Variants in RAD51B observed in about 807,000 individuals in gnomAD.
RAD51B encodes the protein RAD51 paralog B, also known as DNA repair protein RAD51 homolog 2.
Under a neutral mutation model 42.2 loss-of-function variants are expected in RAD51B, and 38 were observed. The ratio of observed to expected loss-of-function variants is 0.90; its 90% confidence interval spans 0.70 to 1.18. The LOEUF (loss-of-function observed/expected upper bound fraction) is 1.18, where lower values mean the gene tolerates loss of function less well. Among genes scored for constraint, RAD51B ranks in the 50% most tolerant of loss-of-function variants. The pLI is 0.00. For synonymous variants in RAD51B, 154 were observed against 145.2 expected, an observed-to-expected ratio of 1.06 and a Z score of -0.43; for missense variants, 373 against 400.7, an observed-to-expected ratio of 0.93 and a Z score of 0.59.
At chr14:68,598,577 A>G (rs1891095220), downstream of RAD51B, among the ~76,000 whole-genome samples, 1 of 152,176 alleles carries the variant, frequency 6.6e-6, no homozygotes, top group East Asian at 1.9e-4. Context: ...TCTGGGGTAA[A>G]TCCCACCGGG....
At chr14:67,908,786 A>C (rs1052090764) in intron 7 of RAD51B, 1 of 152,202 alleles carries the variant, frequency 6.6e-6, no homozygotes, top group African/African-American at 2.4e-5. Flanking sequence ...CTGGGAATAC[A>C]AAGGTAAATA....
chr14:68,430,029 G>T (rs2084959650), intron 9 of RAD51B, among the ~76,000 whole-genome samples: 1 of 152,122 alleles, frequency 6.6e-6, no homozygotes, highest in Admixed American at 6.5e-5. Flanking sequence ...TCTTGATTTT[G>T]TCAGGTTTGT....
At chr14:68,435,990 T>G (rs7151360) in intron 9 of RAD51B, among the ~76,000 whole-genome samples, 60,293 of 152,052 alleles carry the variant, frequency 0.4, 12,553 homozygotes, top group South Asian at 0.55. Context: ...GTTTACTCTG[T>G]TGTTAGTTTC....
At chr14:68,102,779 G>A (rs1338474270) in intron 7 of RAD51B, among the ~76,000 whole-genome samples, 1 of 152,040 alleles carries the variant, frequency 6.6e-6, no homozygotes, top group Non-Finnish European at 1.5e-5. Flanking sequence ...CCTTATAGCA[G>A]CACCCCACTC....
chr14:68,485,564 A>G (rs1339500774), intron 10 of RAD51B, among the ~76,000 whole-genome samples: 2 of 152,084 alleles, frequency 1.3e-5, no homozygotes, highest in Non-Finnish European at 2.9e-5. Context: ...AGCAGAAGCA[A>G]GAGGAGCTTC....
chr14:67,861,463 A>G (rs1487609289), intron 4 of RAD51B, among the ~76,000 whole-genome samples: 1 of 150,612 alleles, frequency 6.6e-6, no homozygotes, highest in African/African-American at 2.4e-5. Context: ...ACATGGTGAA[A>G]CCCAGTCTCT....
At chr14:68,582,503 C>A (rs1200572924) in intron 10 of RAD51B, among the ~76,000 whole-genome samples, 3 of 152,174 alleles carry the variant, frequency 2.0e-5, no homozygotes, top group Non-Finnish European at 4.4e-5. Flanking sequence ...AGTCAGGAAA[C>A]AACAGATGCT....
intron 7 of RAD51B, among the ~76,000 whole-genome samples, chr14:68,258,445 A>T (rs867275386): frequency 2.3e-4 from 32 of 136,772 alleles, no homozygotes; most frequent in East Asian, 2.2e-3. Context: ...TCTCTCTCTC[A>T]CACACACACA....
intron 8 of RAD51B, among the ~76,000 whole-genome samples, chr14:68,345,454 T>C (rs751125271): frequency 2.6e-5 from 4 of 152,080 alleles, no homozygotes; most frequent in Non-Finnish European, 4.4e-5. Flanking sequence ...GTGGTTAACA[T>C]GAAATGTGGT....
intron 8 of RAD51B, among the ~76,000 whole-genome samples, chr14:68,367,970 C>G (rs189064307): frequency 6.6e-6 from 1 of 152,192 alleles, no homozygotes; most frequent in Non-Finnish European, 1.5e-5. Flanking sequence ...CCATAGGGAA[C>G]ATTTTAGAAT....
At chr14:68,197,555 A>T (rs1442496447) in intron 7 of RAD51B, among the ~76,000 whole-genome samples, 4 of 152,208 alleles carry the variant, frequency 2.6e-5, no homozygotes, top group African/African-American at 9.6e-5. Context: ...GTTTAACTCT[A>T]AAATAAAGTG....
At chr14:67,835,745 A>G (rs369561283) in intron 4 of RAD51B, among the ~76,000 whole-genome samples, 3 of 152,092 alleles carry the variant, frequency 2.0e-5, no homozygotes, top group East Asian at 1.9e-4. Context: ...GTGCATGCTT[A>G]TGGTCCTAGC....
At chr14:68,095,892 C>T (rs953778306) in intron 7 of RAD51B, among the ~76,000 whole-genome samples, 5 of 143,084 alleles carry the variant, frequency 3.5e-5, no homozygotes, top group South Asian at 2.2e-4. Flanking sequence ...AGGAGAATGG[C>T]GTGAACCAGG....
chr14:68,468,258 C>A lies in RAD51B; in HGVS notation c.1036+8C>A. 4 of 1,609,122 alleles carry A rather than the reference C, an allele frequency of 2.5e-6. No individual in the cohort carries two copies. The highest frequency in any genetic ancestry group is 3.4e-6 in the Non-Finnish European group (4 of 1,175,516). ...AAGGCCTGGTTCTTCAAGGTAAGAT[C>A]CTTGGATTAAGCCATTTCTTTAAGC... On this transcript the variant is annotated splice_region_variant and intron_variant, in intron 10 of 10. Transcript: ENST00000471583.
chr14:68,347,095 T>C (rs2082691922), intron 8 of RAD51B, among the ~76,000 whole-genome samples: 1 of 151,586 alleles, frequency 6.6e-6, no homozygotes, highest in Non-Finnish European at 1.5e-5. Flanking sequence ...CTCAACACAT[T>C]TTTTTTTTCA....
chr14:68,439,866 T>A (rs533166174), intron 9 of RAD51B, among the ~76,000 whole-genome samples: 1 of 152,190 alleles, frequency 6.6e-6, no homozygotes, highest in Non-Finnish European at 1.5e-5. Context: ...CCAGGGTCTG[T>A]ATGCACACAT....
At chr14:67,823,855 C>T (rs1042590436) in intron 2 of RAD51B, among the ~76,000 whole-genome samples, 36 of 152,160 alleles carry the variant, frequency 2.4e-4, no homozygotes, top group African/African-American at 7.5e-4. Flanking sequence ...AAAGTGGTCA[C>T]GGCATAAGGT....
At chr14:68,164,731 G>A (rs1018086112) in intron 7 of RAD51B, among the ~76,000 whole-genome samples, 22 of 152,182 alleles carry the variant, frequency 1.4e-4, no homozygotes, top group African/African-American at 5.3e-4. Context: ...GTGAGGGGAT[G>A]TTAGCTGTTC....
Position 68,570,901 on chromosome 14 carries a change from A to ATG in RAD51B, c.1037-23584_1037-23583insTG, listed in dbSNP as rs1555427620. 9.8e-4 allele frequency among the ~76,000 whole-genome samples: 148 copies of ATG among 151,214 alleles called. 1 individual carries two copies. The highest frequency in any genetic ancestry group is 3.4e-3 in the African/African-American group (139 of 41,098). On this transcript the variant is annotated intron_variant, in intron 10 of 10. Transcript: ENST00000487270. ...CACACACACACACACACACACATGC[A>ATG]CACACACACACATGCACACACACAC...
Sources: gnomAD v4.1 joint callset for allele counts (sites outside exome capture counted in the v4.1 genomes callset) on GRCh38, gnomAD v4.1.1 for gene constraint, MANE v1.5 for transcripts, NCBI Gene and HGNC (gene_info 2026-07-23, HGNC 2026-07-21) for gene names.